The following NAALADL2 variants were observed in gnomAD, a reference collection of about 807,000 sequenced individuals.
The protein encoded by NAALADL2 is N-acetylated alpha-linked acidic dipeptidase like 2, also known as inactive N-acetylated-alpha-linked acidic dipeptidase-like protein 2.
In NAALADL2, 76 loss-of-function variants were observed where a neutral mutation model predicts 87.2. The observed-to-expected ratio is 0.87, with a 90% CI of 0.72 to 1.05. The LOEUF (loss-of-function observed/expected upper bound fraction) is 1.05, where lower values mean the gene tolerates loss of function less well. Ranked by LOEUF, NAALADL2 falls within the 50% of genes least tolerant of loss-of-function variation. The pLI is 0.00. For missense variants in NAALADL2, 1,089 were observed against 945.8 expected (o/e 1.15, Z -1.99); for synonymous variants, 354 against 331.0 (o/e 1.07, Z -0.75).
At chr3:175,324,872 A>G (rs1760491492) in intron 5 of NAALADL2, among the ~76,000 whole-genome samples, 1 of 152,212 alleles carries the variant, frequency 6.6e-6, no homozygotes, top group African/African-American at 2.4e-5. Context: ...GCTACTTTGC[A>G]GCAAATATCT....
At chr3:175,180,124 T>C (rs1736249749) in intron 2 of NAALADL2, among the ~76,000 whole-genome samples, 1 of 151,970 alleles carries the variant, frequency 6.6e-6, no homozygotes. Context: ...GCCTGTACTT[T>C]AACATGCACT....
intron 11 of NAALADL2, among the ~76,000 whole-genome samples, chr3:175,660,112 C>T (rs927098178): frequency 1.3e-5 from 2 of 152,138 alleles, no homozygotes; most frequent in Non-Finnish European, 2.9e-5. Context: ...CAACAAGCCT[C>T]TAGGCCTCTT....
At chr3:174,855,424 G>T (rs2109500925), upstream of NAALADL2, among the ~76,000 whole-genome samples, 1 of 151,914 alleles carries the variant, frequency 6.6e-6, no homozygotes, top group African/African-American at 2.4e-5. Context: ...TCTTATCCTG[G>T]TTTTGACTTT....
At chr3:174,780,114 T>G (rs1039144160) in intron 3 of NAALADL2, among the ~76,000 whole-genome samples, 1 of 152,226 alleles carries the variant, frequency 6.6e-6, no homozygotes, top group Non-Finnish European at 1.5e-5. Context: ...CATGGAATAT[T>G]TTTCCATTTG....
chr3:175,144,776 T>C (rs1307076875), intron 2 of NAALADL2, among the ~76,000 whole-genome samples: 2 of 151,942 alleles, frequency 1.3e-5, no homozygotes, highest in African/African-American at 4.8e-5. Context: ...CCAATGTTGA[T>C]TTTGATTTTG....
At chr3:174,553,844 C>T (rs1298990863) in intron 2 of NAALADL2, among the ~76,000 whole-genome samples, 1 of 149,528 alleles carries the variant, frequency 6.7e-6, no homozygotes, top group African/African-American at 2.5e-5. Flanking sequence ...TTCCATTGTA[C>T]ATTCATTTTA....
intron 4 of NAALADL2, among the ~76,000 whole-genome samples, chr3:175,309,542 G>T (rs549021897): frequency 1.3e-5 from 2 of 151,516 alleles, no homozygotes; most frequent in Admixed American, 1.3e-4. Context: ...AAAAAAAAAC[G>T]TGGTTTAAAA....
chr3:174,847,803 TG>T (rs1370547529), intron 3 of NAALADL2, among the ~76,000 whole-genome samples: 1 of 118,812 alleles, frequency 8.4e-6, no homozygotes. Flanking sequence ...AGTATGTATT[TG>T]AAAAAAAAAA....
chr3:175,227,173 G>A (rs563288341), intron 2 of NAALADL2, among the ~76,000 whole-genome samples: 3 of 151,976 alleles, frequency 2.0e-5, no homozygotes, highest in Non-Finnish European at 2.9e-5. Context: ...TTCATTTACA[G>A]TATACTCTTG....
At chr3:175,667,967 G>C (rs780050759) in intron 11 of NAALADL2, among the ~76,000 whole-genome samples, 5 of 152,006 alleles carry the variant, frequency 3.3e-5, no homozygotes, top group Non-Finnish European at 5.9e-5. Context: ...CTGCATAAGG[G>C]ACCATCCAGC....
chr3:175,277,851 A>C (rs963218787), intron 4 of NAALADL2, among the ~76,000 whole-genome samples: 1 of 152,046 alleles, frequency 6.6e-6, no homozygotes, highest in East Asian at 1.9e-4. Flanking sequence ...TTCTTTTACT[A>C]CTCAAATTCT....
intron 3 of NAALADL2, among the ~76,000 whole-genome samples, chr3:174,750,484 G>A (rs1171951751): frequency 5.3e-5 from 8 of 151,758 alleles, no homozygotes; most frequent in Admixed American, 5.3e-4. Flanking sequence ...AGGCTGGCAT[G>A]CAGTAGCACA....
chr3:175,014,924 T>C (rs1750622649), intron 1 of NAALADL2, among the ~76,000 whole-genome samples: 1 of 152,054 alleles, frequency 6.6e-6, no homozygotes, highest in African/African-American at 2.4e-5. Context: ...ATCTCTTGCT[T>C]TTCACATATG....
intron 10 of NAALADL2, among the ~76,000 whole-genome samples, chr3:175,590,503 T>G (rs1191231997): frequency 1.3e-5 from 2 of 152,062 alleles, no homozygotes; most frequent in Non-Finnish European, 2.9e-5. Flanking sequence ...AATTTGTGAT[T>G]AACTTAATAA....
At chr3:175,569,855 CAG>C (rs1553924027) in intron 9 of NAALADL2, among the ~76,000 whole-genome samples, 2 of 139,872 alleles carry the variant, frequency 1.4e-5, no homozygotes, top group African/African-American at 5.2e-5. Flanking sequence ...CACACACACA[CAG>C]ACACTTTATA....
intron 11 of NAALADL2, among the ~76,000 whole-genome samples, chr3:175,736,979 A>T (rs1052055150): frequency 6.6e-6 from 1 of 152,178 alleles, no homozygotes; most frequent in African/African-American, 2.4e-5. Context: ...GTCATGTGAT[A>T]CTACGAACTG....
intron 1 of NAALADL2, among the ~76,000 whole-genome samples, chr3:175,014,627 A>G (rs938819034): frequency 2.6e-5 from 4 of 152,158 alleles, no homozygotes; most frequent in Non-Finnish European, 5.9e-5. Context: ...AAATGTGGGT[A>G]AATTATAATA....
intron 1 of NAALADL2, chr3:174,863,748 G>A (rs528430704): frequency 4.8e-6 from 1 of 208,924 alleles, no homozygotes; most frequent in South Asian, 7.0e-5. Flanking sequence ...CCATGACTGT[G>A]AGTGCCTTGA....
intron 11 of NAALADL2, among the ~76,000 whole-genome samples, chr3:175,650,052 C>T (rs1302460914): frequency 6.7e-5 from 7 of 104,606 alleles, no homozygotes; most frequent in Non-Finnish European, 1.1e-4. Context: ...AGAATAACCC[C>T]ACACCAAAAA....
Sources: gnomAD v4.1 joint callset for allele counts (sites outside exome capture counted in the v4.1 genomes callset) on GRCh38, gnomAD v4.1.1 for gene constraint, MANE v1.5 for transcripts, NCBI Gene and HGNC (gene_info 2026-07-23, HGNC 2026-07-21) for gene names.